The following KCNK2 variants were observed in gnomAD, a reference collection of about 807,000 sequenced individuals.
KCNK2 encodes the protein potassium channel subfamily K member 2.
Under a neutral mutation model 40.5 loss-of-function variants are expected in KCNK2, and 21 were observed. The observed-to-expected ratio is 0.52, with a 90% CI of 0.37 to 0.75. The LOEUF is 0.75. KCNK2 is among the 30% of genes least tolerant of loss of function. The pLI, the probability that KCNK2 is intolerant of heterozygous loss-of-function variation, is 0.00. For synonymous variants in KCNK2, 191 were observed against 202.2 expected (o/e 0.94, Z 0.47); for missense variants, 399 against 531.6 (o/e 0.75, Z 2.45).
intron 2 of KCNK2, among the ~76,000 whole-genome samples, chr1:215,093,823 ATT>A (rs34493869): frequency 3.2e-4 from 8 of 25,108 alleles, no homozygotes; most frequent in Non-Finnish European, 1.1e-3. Context: ...TATATTATAT[ATT>A]ATATATAAAA....
At chr1:215,054,101 C>T (rs1026475796) in intron 1 of KCNK2, among the ~76,000 whole-genome samples, 1 of 152,184 alleles carries the variant, frequency 6.6e-6, no homozygotes, top group Non-Finnish European at 1.5e-5. Context: ...AGATACAAGT[C>T]TGTAATTTTT....
At chr1:215,044,785 G>A (rs971600798) in intron 1 of KCNK2, among the ~76,000 whole-genome samples, 1 of 140,714 alleles carries the variant, frequency 7.1e-6, no homozygotes, top group African/African-American at 2.7e-5. Context: ...AGGTACTTGG[G>A]GATAAGTGTA....
At chr1:215,206,343 G>A (rs1448409408) in intron 6 of KCNK2, among the ~76,000 whole-genome samples, 1 of 152,042 alleles carries the variant, frequency 6.6e-6, no homozygotes, top group Non-Finnish European at 1.5e-5. Flanking sequence ...GTTGAACTGT[G>A]TGAAATTATT....
Position 215,083,147 on chromosome 1 carries a change from A to C in KCNK2, c.-239A>C. 117 of 857,874 alleles carry C rather than the reference A, an allele frequency of 1.4e-4. No homozygotes were observed. The highest frequency in any genetic ancestry group is 3.5e-4 in the Middle Eastern group (1 of 2,836). 53.1% of individuals were successfully genotyped at this position (857,874 alleles called of 1,614,324 possible). ...TTGGCCTCCGCCTCGCCCTCTGCCC[A>C]GCCCGCCGGTGTCCCCTCCTTCCCG... On this transcript the variant is annotated 5_prime_UTR_variant, in exon 1 of 7. Coordinates refer to ENST00000444842, the MANE Select transcript of KCNK2 (RefSeq NM_001017425.3).
chr1:215,070,284 C>T (rs192089896), intron 1 of KCNK2, among the ~76,000 whole-genome samples: 1,539 of 151,606 alleles, frequency 0.01, 17 homozygotes, highest in Non-Finnish European at 0.014. Context: ...GATGTGGTGG[C>T]GGGCACCTGT....
intron 2 of KCNK2, among the ~76,000 whole-genome samples, chr1:215,111,270 A>G (rs1337270234): frequency 6.6e-6 from 1 of 152,062 alleles, no homozygotes; most frequent in Non-Finnish European, 1.5e-5. Context: ...TTGAATAGAA[A>G]TGGTGAGAGT....
intron 5 of KCNK2, among the ~76,000 whole-genome samples, chr1:215,190,738 C>T (rs182112349): frequency 1.3e-5 from 2 of 152,244 alleles, no homozygotes; most frequent in East Asian, 3.9e-4. Context: ...TCTATGGCCG[C>T]ATGGTCTTAA....
At chr1:215,084,856 A>G (rs1466428205) in intron 1 of KCNK2, among the ~76,000 whole-genome samples, 1 of 152,224 alleles carries the variant, frequency 6.6e-6, no homozygotes, top group Non-Finnish European at 1.5e-5. Flanking sequence ...CATCTCTTCC[A>G]AATCAGATCC....
At chr1:215,070,415 T>TAAA (rs536258219) in intron 1 of KCNK2, among the ~76,000 whole-genome samples, 1 of 93,580 alleles carries the variant, frequency 1.1e-5, no homozygotes, top group Non-Finnish European at 2.0e-5. Flanking sequence ...GACCCCGTCT[T>TAAA]AAAAAAAAAA....
chr1:215,126,723 C>A (rs925381677), intron 3 of KCNK2, among the ~76,000 whole-genome samples: 7 of 152,200 alleles, frequency 4.6e-5, no homozygotes, highest in African/African-American at 1.7e-4. Context: ...CCATTATTAC[C>A]AGCCTTACTC....
chr1:215,032,103 A>AT (rs368295671), intron 1 of KCNK2, among the ~76,000 whole-genome samples: 7,243 of 137,680 alleles, frequency 0.053, 481 homozygotes, highest in African/African-American at 0.16. Context: ...TCAATTAAGG[A>AT]TTTTTTTTTT....
chr1:215,124,963 A>T (rs1025866305), intron 3 of KCNK2, among the ~76,000 whole-genome samples: 7 of 152,208 alleles, frequency 4.6e-5, no homozygotes, highest in Admixed American at 1.3e-4. Context: ...TGACTTTAAA[A>T]TACATGTGAA....
intron 3 of KCNK2, among the ~76,000 whole-genome samples, chr1:215,143,285 T>C (rs997851331): frequency 2.0e-5 from 3 of 152,108 alleles, no homozygotes; most frequent in Non-Finnish European, 4.4e-5. Context: ...GGCTGCCTGT[T>C]TCTATAGGAG....
intron 3 of KCNK2, among the ~76,000 whole-genome samples, chr1:215,164,571 C>G (rs996493284): frequency 1.6e-4 from 24 of 152,126 alleles, no homozygotes; most frequent in African/African-American, 5.3e-4. Flanking sequence ...AAATTTCCCT[C>G]TATACACTGC....
intron 3 of KCNK2, among the ~76,000 whole-genome samples, chr1:215,160,532 T>A (rs1289568635): frequency 6.6e-6 from 1 of 152,206 alleles, no homozygotes; most frequent in Non-Finnish European, 1.5e-5. Context: ...TCTGACGTCA[T>A]TGATACCCAA....
intron 1 of KCNK2, among the ~76,000 whole-genome samples, chr1:215,021,365 A>G (rs1571851665): frequency 1.0e-5 from 1 of 99,574 alleles, no homozygotes; most frequent in Admixed American, 1.0e-4. Flanking sequence ...GTCTGGACAC[A>G]TCTCTGAGGG....
At chr1:215,063,145 G>GTTAC (rs758164972) in intron 1 of KCNK2, among the ~76,000 whole-genome samples, 1,698 of 152,230 alleles carry the variant, frequency 0.011, 36 homozygotes, top group South Asian at 0.097. Context: ...TGTGGGAACG[G>GTTAC]TAAGCAATAA....
At chr1:215,046,158 T>C (rs563978845) in intron 1 of KCNK2, among the ~76,000 whole-genome samples, 2 of 152,132 alleles carry the variant, frequency 1.3e-5, no homozygotes, top group Non-Finnish European at 1.5e-5. Context: ...ATAGGCCTAA[T>C]GGAATTGTCC....
intron 6 of KCNK2, among the ~76,000 whole-genome samples, chr1:215,227,589 T>C (rs1666435981): frequency 6.6e-6 from 1 of 152,134 alleles, no homozygotes; most frequent in Non-Finnish European, 1.5e-5. Context: ...CAGGCATCAA[T>C]TGGTTTTATG....
Sources: allele counts gnomAD v4.1 joint callset (sites outside exome capture counted in the v4.1 genomes callset), GRCh38; gene constraint gnomAD v4.1.1; transcripts MANE v1.5; gene names NCBI Gene and HGNC (gene_info 2026-07-23, HGNC 2026-07-21).